EYA4: variants seen among roughly 807,000 people sequenced by gnomAD.
EYA4 encodes protein phosphatase EYA4.
EYA4 carries 31 observed loss-of-function variants against 87.9 expected under a neutral mutation model. That is an observed-to-expected ratio of 0.35 (90% confidence interval 0.27 to 0.48). EYA4 has a LOEUF of 0.48. Among genes scored for constraint, EYA4 ranks in the 20% least tolerant of loss-of-function variants. The pLI is 0.99. For missense variants in EYA4, 678 were observed against 761.4 expected (o/e 0.89, Z 1.29); for synonymous variants, 263 against 270.6 (o/e 0.97, Z 0.28).
intron 3 of EYA4, among the ~76,000 whole-genome samples, chr6:133,433,777 G>A (rs1791397618): frequency 6.6e-6 from 1 of 152,202 alleles, no homozygotes; most frequent in Non-Finnish European, 1.5e-5. Context: ...TGAAACAATG[G>A]ACTCAAGTCC....
chr6:133,286,172 A>G (rs1199362635), intron 2 of EYA4, among the ~76,000 whole-genome samples: 2 of 152,154 alleles, frequency 1.3e-5, no homozygotes, highest in African/African-American at 2.4e-5. Flanking sequence ...CCTCAGGGAA[A>G]CAATGGGGAT....
At chr6:133,248,408 A>G (rs1442971738) in intron 1 of EYA4, 1 of 152,198 alleles carries the variant, frequency 6.6e-6, no homozygotes, top group Non-Finnish European at 1.5e-5. Context: ...ATCCCTAATC[A>G]AGTAGGTGTA....
chr6:133,400,905 T>G (rs1788206228), intron 3 of EYA4, among the ~76,000 whole-genome samples: 2 of 152,188 alleles, frequency 1.3e-5, no homozygotes, highest in South Asian at 4.1e-4. Context: ...AAATGGTTCA[T>G]ATGAGCAGCT....
intron 11 of EYA4, among the ~76,000 whole-genome samples, chr6:133,476,851 G>C (rs1407827856): frequency 2.0e-5 from 3 of 151,944 alleles, no homozygotes; most frequent in African/African-American, 7.3e-5. Context: ...TGGTTTGGTG[G>C]TGTCCCCATC....
chr6:133,301,487 T>C lies in EYA4; in HGVS notation c.33+26674T>C, dbSNP rs150254682. ...TTTGGTGAAGAAAACAATGTTCTAATACAAAGTGAATGAAAATAGCTGCAC... is the reference window on the plus strand; with the variant it reads ...TTTGGTGAAGAAAACAATGTTCTAACACAAAGTGAATGAAAATAGCTGCAC... On this transcript the variant is annotated intron_variant, in intron 2 of 19. Coordinates refer to ENST00000355286, the MANE Select transcript of EYA4 (RefSeq NM_004100.5). Among the ~76,000 whole-genome samples the C allele has an allele frequency of 8.5e-4, 129 of 152,328 alleles. 1 individual carries two copies. The highest frequency in any genetic ancestry group is 3.4e-3 in the Middle Eastern group (1 of 294).
chr6:133,372,842 A>G (rs924230571), intron 2 of EYA4, among the ~76,000 whole-genome samples: 1 of 151,814 alleles, frequency 6.6e-6, no homozygotes, highest in Non-Finnish European at 1.5e-5. Flanking sequence ...CATTCTATCA[A>G]TTTGTTTTTA....
At chr6:133,498,234 T>C (rs1031722897) in intron 13 of EYA4, among the ~76,000 whole-genome samples, 1 of 152,176 alleles carries the variant, frequency 6.6e-6, no homozygotes, top group Non-Finnish European at 1.5e-5. Context: ...ACAAACACCA[T>C]ATGCTTAGAG....
chr6:133,509,080 A>G (rs546931219), intron 14 of EYA4, among the ~76,000 whole-genome samples: 3 of 152,336 alleles, frequency 2.0e-5, no homozygotes, highest in Non-Finnish European at 4.4e-5. Context: ...CCAAGGAAAC[A>G]TAAATGATTT....
At chr6:133,287,599 C>A (rs1219596311) in intron 2 of EYA4, among the ~76,000 whole-genome samples, 1 of 152,064 alleles carries the variant, frequency 6.6e-6, no homozygotes, top group Non-Finnish European at 1.5e-5. Context: ...GGGTGGCCAC[C>A]ATGATGCTCA....
chr6:133,369,747 A>C (rs1785126855), intron 2 of EYA4, among the ~76,000 whole-genome samples: 1 of 152,236 alleles, frequency 6.6e-6, no homozygotes, highest in East Asian at 1.9e-4. Context: ...AAAGAAATTT[A>C]AAGTAAAATT....
At chr6:133,349,301 A>G (rs1271213055) in intron 2 of EYA4, among the ~76,000 whole-genome samples, 4 of 152,200 alleles carry the variant, frequency 2.6e-5, no homozygotes, top group Admixed American at 6.5e-5. Context: ...TTCTCTAGGT[A>G]GCATAATAAA....
At chr6:133,428,942 T>G (rs1583252542) in intron 3 of EYA4, among the ~76,000 whole-genome samples, 2 of 134,072 alleles carry the variant, frequency 1.5e-5, no homozygotes, top group Non-Finnish European at 3.1e-5. Context: ...TTTTTTTTTT[T>G]GTGAAATGGA....
intron 2 of EYA4, among the ~76,000 whole-genome samples, chr6:133,372,033 T>G (rs1407176473): frequency 6.6e-6 from 1 of 152,150 alleles, no homozygotes; most frequent in African/African-American, 2.4e-5. Flanking sequence ...ACATTTAGAC[T>G]GCAGAGTGTA....
chr6:133,392,507 G>C (rs1787388912), intron 3 of EYA4, among the ~76,000 whole-genome samples: 1 of 152,134 alleles, frequency 6.6e-6, no homozygotes, highest in African/African-American at 2.4e-5. Context: ...CCGTGACTCA[G>C]GTGCTTGGAG....
chr6:133,333,504 A>G (rs888526694), intron 2 of EYA4, among the ~76,000 whole-genome samples: 3 of 152,244 alleles, frequency 2.0e-5, no homozygotes, highest in Non-Finnish European at 4.4e-5. Flanking sequence ...GAAATAATCA[A>G]TCAATAGTTG....
chr6:133,434,403 G>A, intron 3 of EYA4, among the ~76,000 whole-genome samples: 1 of 152,172 alleles, frequency 6.6e-6, no homozygotes, highest in East Asian at 1.9e-4. Flanking sequence ...CTGTTTTATT[G>A]TCTGTGTTGT....
At chr6:133,241,188 G>T (rs536259352), upstream of EYA4, among the ~76,000 whole-genome samples, 329 of 152,128 alleles carry the variant, frequency 2.2e-3, 2 homozygotes, top group African/African-American at 6.1e-3. Flanking sequence ...AACGGAGTGG[G>T]TCCCCCGCGC....
intron 13 of EYA4, among the ~76,000 whole-genome samples, chr6:133,484,603 C>CTGAT (rs1158957803): frequency 1.3e-5 from 2 of 152,170 alleles, no homozygotes; most frequent in Non-Finnish European, 2.9e-5. Context: ...TATCCTACTA[C>CTGAT]TGATTAAGTG....
intron 2 of EYA4, among the ~76,000 whole-genome samples, chr6:133,281,606 GA>G (rs1360861023): frequency 1.4e-5 from 2 of 147,194 alleles, no homozygotes; most frequent in African/African-American, 5.2e-5. Flanking sequence ...TATTGAGGAA[GA>G]TTTTTTTTTA....
Sources: gnomAD v4.1 joint callset for allele counts (sites outside exome capture counted in the v4.1 genomes callset) on GRCh38, gnomAD v4.1.1 for gene constraint, MANE v1.5 for transcripts, NCBI Gene and HGNC (gene_info 2026-07-23, HGNC 2026-07-21) for gene names.